WDR27: variants seen among roughly 807,000 people sequenced by gnomAD.
The protein encoded by WDR27 is WD repeat domain 27, also known as WD repeat-containing protein 27.
WDR27 carries 100 observed loss-of-function variants against 114.4 expected under a neutral mutation model. The observed-to-expected ratio is 0.87, with a 90% CI of 0.74 to 1.03. WDR27 has a LOEUF of 1.03. WDR27 is among the 50% of genes least tolerant of loss of function. The probability of loss-of-function intolerance (pLI) is 0.00; values close to 1 mark genes in which losing one functional copy is unlikely to be tolerated. For synonymous variants in WDR27, 449 were observed against 423.1 expected (o/e 1.06, Z -0.75); for missense variants, 1,129 against 1,092.9 (o/e 1.03, Z -0.47).
chr6:169,466,584 T>C (rs765554623), intron 25 of WDR27, among the ~76,000 whole-genome samples: 14 of 152,158 alleles, frequency 9.2e-5, no homozygotes, highest in Non-Finnish European at 2.1e-4. Flanking sequence ...GTGGGGATTA[T>C]GGAAACTACA....
At chr6:169,480,372 C>A (rs1309003506) in intron 25 of WDR27, among the ~76,000 whole-genome samples, 1 of 152,208 alleles carries the variant, frequency 6.6e-6, no homozygotes, top group Admixed American at 6.5e-5. Context: ...ACGGGCACCA[C>A]CCCCTGCTCT....
chr6:169,441,567 C>T, the WDR27 span, among the ~76,000 whole-genome samples: 1 of 152,166 alleles, frequency 6.6e-6, no homozygotes, highest in African/African-American at 2.4e-5. Context: ...TCTCACCAGC[C>T]AGCTGCCAGG....
At chr6:169,448,420 A>G in the WDR27 span, among the ~76,000 whole-genome samples, 27 of 44,806 alleles carry the variant, frequency 6.0e-4, no homozygotes, top group South Asian at 1.3e-3. Context: ...GTGTGTGTGT[A>G]TGTATATATA....
downstream of WDR27, among the ~76,000 whole-genome samples, chr6:169,453,381 C>T (rs1339829602): frequency 2.0e-5 from 3 of 152,110 alleles, no homozygotes; most frequent in Non-Finnish European, 4.4e-5. Flanking sequence ...TCCAGGTCAT[C>T]CGTTGGGAAA....
chr6:169,481,836 A>G (rs1292282299), intron 25 of WDR27, among the ~76,000 whole-genome samples: 1 of 152,210 alleles, frequency 6.6e-6, no homozygotes, highest in African/African-American at 2.4e-5. Context: ...CGAACCCACC[A>G]GAAGGAAGAA....
intron 21 of WDR27, among the ~76,000 whole-genome samples, chr6:169,627,044 G>C (rs949731491): frequency 6.6e-6 from 1 of 152,144 alleles, no homozygotes; most frequent in African/African-American, 2.4e-5. Flanking sequence ...AGGCCACAGC[G>C]GCTGTAACTC....
intron 21 of WDR27, among the ~76,000 whole-genome samples, chr6:169,625,031 T>G (rs1322082283): frequency 6.6e-6 from 1 of 152,188 alleles, no homozygotes; most frequent in Non-Finnish European, 1.5e-5. Context: ...TCACTTGGCA[T>G]CTGGAATAAA....
intron 25 of WDR27, among the ~76,000 whole-genome samples, chr6:169,536,808 G>GT (rs1562548677): frequency 1.3e-5 from 2 of 152,126 alleles, no homozygotes; most frequent in African/African-American, 4.8e-5. Context: ...TTAAGACATC[G>GT]TGTGTGGGTC....
At chr6:169,433,682 G>A in the WDR27 span, among the ~76,000 whole-genome samples, 1,252 of 152,242 alleles carry the variant, frequency 8.2e-3, 60 homozygotes, top group Admixed American at 0.068. Context: ...TTCCACAATG[G>A]TTGAACTAAT....
In WDR27 at chr6:169,667,987, A is replaced by C; in HGVS notation, c.655T>G (p.Phe219Val). Residue 219 changes from phenylalanine (F) to valine (V), a missense_variant, in exon 5 of 26, where the codon TTT becomes GTT. Coordinates refer to ENST00000448612, the MANE Select transcript of WDR27 (RefSeq NM_182552.5). ...TLISASEDRG[F>V]KVWDHCTGSL... The stretch of plus-strand genomic sequence containing the variant: ...ATCCAGCGTCCATCCCTCACCTTAA[A>C]GCCTCTGTCCTCAGACGCCGAGATG... The C allele has an allele frequency of 6.2e-7, 1 of 1,612,958 alleles. No homozygotes were observed. Among genetic ancestry groups the C allele is most frequent in the Non-Finnish European group, 8.5e-7 (1 of 1,179,554 alleles).
chr6:169,426,485 CTT>C, the WDR27 span: 2 of 152,178 alleles, frequency 1.3e-5, no homozygotes, highest in African/African-American at 2.4e-5. Flanking sequence ...AAGATATAGA[CTT>C]ATTTTATAAA....
chr6:169,566,423 A>T (rs9478053), intron 25 of WDR27, among the ~76,000 whole-genome samples: 65 of 152,238 alleles, frequency 4.3e-4, no homozygotes, highest in Non-Finnish European at 8.8e-4. Flanking sequence ...AGACCCTGAG[A>T]GTGGCCACTG....
At chr6:169,562,047 TAAACA>T (rs1562586602) in intron 25 of WDR27, among the ~76,000 whole-genome samples, 1 of 151,992 alleles carries the variant, frequency 6.6e-6, no homozygotes, top group African/African-American at 2.4e-5. Context: ...AGCTTTGAAA[TAAACA>T]AAACAAAAAA....
At chr6:169,561,259 G>T in intron 25 of WDR27, among the ~76,000 whole-genome samples, 1 of 152,054 alleles carries the variant, frequency 6.6e-6, no homozygotes, top group Non-Finnish European at 1.5e-5. Flanking sequence ...CTCTTTTATG[G>T]GGGCATTAAT....
intron 15 of WDR27, 97 bp from the exon 16 acceptor site, chr6:169,647,967 A>G (rs1821229588): frequency 5.2e-6 from 4 of 775,314 alleles, no homozygotes; most frequent in South Asian, 1.7e-5. Flanking sequence ...CCCCCCATCT[A>G]CATGTATAAT....
chr6:169,697,445 C>A (rs1309535937), intron 1 of WDR27, among the ~76,000 whole-genome samples: 1 of 152,088 alleles, frequency 6.6e-6, no homozygotes, highest in South Asian at 2.1e-4. Context: ...CCCTTTCTCC[C>A]GGAGAGTTTA....
the WDR27 span, among the ~76,000 whole-genome samples, chr6:169,430,133 G>A: frequency 7.2e-5 from 11 of 152,288 alleles, 1 homozygote; most frequent in Middle Eastern, 3.4e-3. Context: ...AGTGGCACAC[G>A]TCAAACCCAC....
intron 18 of WDR27, 52 bp from the exon 19 acceptor site, chr6:169,636,556 A>G: frequency 6.6e-7 from 1 of 1,508,636 alleles, no homozygotes; most frequent in Non-Finnish European, 9.0e-7. Context: ...TAACAAAAAC[A>G]CTATTGCTCT....
chr6:169,591,220 G>A (rs185118250), intron 23 of WDR27, among the ~76,000 whole-genome samples: 1 of 152,264 alleles, frequency 6.6e-6, no homozygotes, highest in East Asian at 1.9e-4. Context: ...GATTGGTGAT[G>A]TGAGCCCTTT....
Sources: gnomAD v4.1 joint callset for allele counts (sites outside exome capture counted in the v4.1 genomes callset) on GRCh38, gnomAD v4.1.1 for gene constraint, MANE v1.5 for transcripts, NCBI Gene and HGNC (gene_info 2026-07-23, HGNC 2026-07-21) for gene names.